Variants in VPS53 observed in about 807,000 individuals in gnomAD.
VPS53 encodes the protein vacuolar protein sorting-associated protein 53 homolog.
VPS53 carries 70 observed loss-of-function variants against 107.0 expected under a neutral mutation model. The ratio of observed to expected loss-of-function variants is 0.65; its 90% confidence interval spans 0.54 to 0.80. VPS53 has a LOEUF of 0.80. Among genes scored for constraint, VPS53 ranks in the 30% least tolerant of loss-of-function variants. The pLI, the probability that VPS53 is intolerant of heterozygous loss-of-function variation, is 0.00. For synonymous variants in VPS53, 409 were observed against 393.3 expected (o/e 1.04, Z -0.47); for missense variants, 917 against 1,049.4 (o/e 0.87, Z 1.74).
chr17:601,673 AC>A, intron 12 of VPS53, 121 bp downstream of exon 12: 2 of 693,374 alleles, frequency 2.9e-6, no homozygotes, highest in Non-Finnish European at 4.8e-6. Context: ...TTCTGTAAAG[AC>A]CACAACAGCT....
chr17:638,891 T>G (rs1439290343), intron 7 of VPS53, among the ~76,000 whole-genome samples: 1 of 152,368 alleles, frequency 6.6e-6, no homozygotes, highest in South Asian at 2.1e-4. Flanking sequence ...GACAGTTATG[T>G]GTCTTGGAAT....
At chr17:695,291 T>C (rs982122323) in intron 4 of VPS53, among the ~76,000 whole-genome samples, 1 of 152,156 alleles carries the variant, frequency 6.6e-6, no homozygotes, top group African/African-American at 2.4e-5. Context: ...TCTGATTCCT[T>C]GGTGTATTCA....
At chr17:651,984 A>G (rs1970970191) in intron 7 of VPS53, among the ~76,000 whole-genome samples, 2 of 151,976 alleles carry the variant, frequency 1.3e-5, no homozygotes, top group African/African-American at 4.8e-5. Context: ...TATCGTATCT[A>G]AAGTTTTTGT....
chr17:532,636 C>T (rs1909681021), intron 19 of VPS53: 14 of 1,345,240 alleles, frequency 1.0e-5, no homozygotes, highest in Non-Finnish European at 1.3e-5. Flanking sequence ...ATACCCTGCA[C>T]CCAGAACTTA....
At chr17:525,671 G>A (rs1909073917) in intron 19 of VPS53, among the ~76,000 whole-genome samples, 1 of 151,696 alleles carries the variant, frequency 6.6e-6, no homozygotes, top group Non-Finnish European at 1.5e-5. Flanking sequence ...CCCAGCCTGG[G>A]AGACAGAGTG....
At chr17:661,394 G>C (rs982184404) in intron 5 of VPS53, among the ~76,000 whole-genome samples, 1 of 151,498 alleles carries the variant, frequency 6.6e-6, no homozygotes, top group African/African-American at 2.4e-5. Flanking sequence ...GGTGGCAGGC[G>C]CCTGTAATCC....
chr17:662,511 A>T (rs2143608939), intron 4 of VPS53, among the ~76,000 whole-genome samples: 1 of 152,054 alleles, frequency 6.6e-6, no homozygotes, highest in African/African-American at 2.4e-5. Context: ...AACACGGTGA[A>T]ACCCCATCTC....
At chr17:536,112 G>T (rs550619367) in intron 18 of VPS53, among the ~76,000 whole-genome samples, 1 of 152,260 alleles carries the variant, frequency 6.6e-6, no homozygotes, top group African/African-American at 2.4e-5. Context: ...ATGGTGATCG[G>T]CAAAGAACTA....
At chr17:590,594 T>C (rs1195435357) in intron 12 of VPS53, among the ~76,000 whole-genome samples, 10 of 152,034 alleles carry the variant, frequency 6.6e-5, no homozygotes. Context: ...TGAAGAGTTG[T>C]TGAATTTTGT....
In VPS53 at chr17:612,187, T is replaced by C. The variant is rs188716674; in HGVS notation, c.1117-10291A>G. Among the ~76,000 whole-genome samples the C allele has an allele frequency of 6.7e-3, 876 of 130,914 alleles. 5 individuals are homozygous for C. Among genetic ancestry groups the C allele is most frequent in the African/African-American group, 0.023 (785 of 34,440 alleles). 85.9% of individuals were successfully genotyped at this position (130,914 alleles called of 152,430 possible). On this transcript the variant is annotated intron_variant, in intron 11 of 21. Coordinates refer to ENST00000437048, the MANE Select transcript of VPS53 (RefSeq NM_001128159.3). ...AAATATTCATAGTGAGTTCACACAG[T>C]GAAAACCTGTACAGATATTCACAGC...
At position 627,214 on chromosome 17, in the gene VPS53, T is replaced by C. The variant is rs761618453; in HGVS notation, c.934A>G (p.Met312Val). ...AATTCCACCGCAATCCTCTCAGCCA[T>C]GCACCACTCACGTGGAAACATGCGG... ...YGRMFPREWC[M>V]AERIAVEFCH... The change falls in exon 10 of 22, where the codon ATG (methionine) becomes GTG (valine). Residue 312 changes from methionine (M) to valine (V), a missense_variant. Physicochemically the swap from Met to Val is conservative, Grantham distance 21. Transcript: ENST00000437048. 5.0e-6 allele frequency: 8 copies of C among 1,614,002 alleles called. No homozygotes were observed. Among genetic ancestry groups the C allele is most frequent in the Non-Finnish European group, 8.5e-7 (1 of 1,180,020 alleles).
rs922413168 is a variant in VPS53, at chr17:519,146, G to A, written c.2481C>T (p.Leu827=). Residue 827 remains leucine (L), a synonymous_variant, in exon 22 of 22, where the codon CTC becomes CTT. Coordinates refer to ENST00000437048, the MANE Select transcript of VPS53 (RefSeq NM_001128159.3). The surrounding 1 kb of genome is among the most constrained non-coding windows in gnomAD (Gnocchi z 5.0). ...ESSRIRKLEK[L]IKKRL Reference sequence around the variant, plus strand: ...GCTGCTGCTACAGTCTCTTTTTAATGAGTTTCTCGAGCTTGCGGATGCGTG... The same window carrying A: ...GCTGCTGCTACAGTCTCTTTTTAATAAGTTTCTCGAGCTTGCGGATGCGTG... 7.8e-6 allele frequency: 12 copies of A among 1,530,896 alleles called. No individual in the cohort carries two copies. In the Admixed American group the frequency reaches 1.5e-4, roughly 19 times the overall value. The allele number at this position is 1,530,896 out of a possible 1,614,324, so 94.8% of individuals were successfully genotyped here. A position where few individuals can be genotyped will look rare whatever the true frequency, so the allele number is the denominator to read the frequency against.
intron 2 of VPS53, among the ~76,000 whole-genome samples, chr17:708,051 C>T (rs1973485595): frequency 6.6e-6 from 1 of 152,198 alleles, no homozygotes; most frequent in East Asian, 1.9e-4. Context: ...TTTAGAAGGG[C>T]CTTCTGTAGG....
intron 17 of VPS53, among the ~76,000 whole-genome samples, chr17:542,060 AC>A (rs1910736245): frequency 6.6e-6 from 1 of 152,090 alleles, no homozygotes; most frequent in African/African-American, 2.4e-5. Context: ...TTTATCAAGC[AC>A]CTACCACGCA....
At chr17:669,728 C>A (rs1377906320) in intron 4 of VPS53, among the ~76,000 whole-genome samples, 1 of 151,020 alleles carries the variant, frequency 6.6e-6, no homozygotes, top group East Asian at 1.9e-4. Context: ...CCCATCTCTA[C>A]TAAAAATACA....
intron 4 of VPS53, among the ~76,000 whole-genome samples, chr17:670,837 G>A (rs181174352): frequency 5.9e-5 from 9 of 152,240 alleles, no homozygotes; most frequent in South Asian, 4.1e-4. Context: ...TATTATTCAC[G>A]GTTACTGGGG....
intron 13 of VPS53, among the ~76,000 whole-genome samples, chr17:565,972 G>A (rs1232339416): frequency 1.3e-5 from 2 of 152,132 alleles, no homozygotes; most frequent in East Asian, 3.9e-4. Flanking sequence ...GGGAGGCCGA[G>A]GCGGGCGGAT....
chr17:683,717 G>T (rs531744595), intron 4 of VPS53, among the ~76,000 whole-genome samples: 1 of 152,238 alleles, frequency 6.6e-6, no homozygotes, highest in Admixed American at 6.5e-5. Context: ...AAATAAAATA[G>T]CTGGGTGTGG....
intron 2 of VPS53, 140 bp downstream of exon 2, chr17:710,393 G>A (rs563841439): frequency 2.0e-4 from 131 of 651,488 alleles, no homozygotes; most frequent in South Asian, 4.8e-4. Context: ...TGCCCCAGCT[G>A]GTGATGATGG....
Sources: allele counts gnomAD v4.1 joint callset (sites outside exome capture counted in the v4.1 genomes callset), GRCh38; gene constraint gnomAD v4.1.1; non-coding constraint Gnocchi (gnomAD v3.1); transcripts MANE v1.5; gene names NCBI Gene and HGNC (gene_info 2026-07-23, HGNC 2026-07-21).